The following MAML1 variants were observed in gnomAD, a reference collection of about 807,000 sequenced individuals.
The protein encoded by MAML1 is mastermind like transcriptional coactivator 1, also known as mastermind-like protein 1.
In MAML1, 14 loss-of-function variants were observed where a neutral mutation model predicts 77.1. That is an observed-to-expected ratio of 0.18 (90% CI 0.12 to 0.28). MAML1 has a LOEUF of 0.28. Ranked by LOEUF, MAML1 falls within the 10% of genes least tolerant of loss-of-function variation. The pLI is 1.00. For missense variants in MAML1, 1,217 were observed against 1,327.8 expected (o/e 0.92, Z 1.30); for synonymous variants, 516 against 551.9 (o/e 0.93, Z 0.91).
chr5:179,740,036 C>A (rs906173219), intron 1 of MAML1, among the ~76,000 whole-genome samples: 1 of 152,182 alleles, frequency 6.6e-6, no homozygotes, highest in South Asian at 2.1e-4. Context: ...TCATGTGATA[C>A]TAAATGACAG....
Position 179,766,862 on chromosome 5 carries a change from T to C in MAML1, c.1731+121T>C. 1.4e-6 allele frequency: 1 copy of C among 733,824 alleles called. No individual in the cohort carries two copies. The highest frequency in any genetic ancestry group is 2.9e-5 in the East Asian group (1 of 34,172). 45.5% of individuals were successfully genotyped at this position (733,824 alleles called of 1,614,324 possible). On this transcript the variant is annotated intron_variant, in intron 2 of 4. Transcript: ENST00000292599. This position sits in a 1 kb window ranked among gnomAD's most constrained non-coding sequence, Gnocchi z 4.0. ...GGAAGAGGGAGGAGGGAATAGCTGC[T>C]GTCATCCTTGCTCCTCTTGGGAGTG...
At position 179,775,780 on chromosome 5, in the gene MAML1, A is replaced by C. The variant is rs1756124373; in HGVS notation, c.*903A>C. On this transcript the variant is annotated 3_prime_UTR_variant, in exon 5 of 5. Coordinates refer to ENST00000292599, the MANE Select transcript of MAML1 (RefSeq NM_014757.5). ...GCGTGGTCACTGTGCAGTTGTGCACAGATGTCTTTCCTTTACCGTTGGCCT... is the reference window on the plus strand; with the variant it reads ...GCGTGGTCACTGTGCAGTTGTGCACCGATGTCTTTCCTTTACCGTTGGCCT... 3 of 985,560 alleles carry C rather than the reference A, an allele frequency of 3.0e-6. No individual in the cohort carries two copies. Among genetic ancestry groups the C allele is most frequent in the Non-Finnish European group, 3.6e-6 (3 of 829,980 alleles). 61.1% of individuals were successfully genotyped at this position (985,560 alleles called of 1,614,324 possible).
intron 1 of MAML1, among the ~76,000 whole-genome samples, chr5:179,734,865 T>A (rs1175637807): frequency 6.6e-6 from 1 of 152,092 alleles, no homozygotes; most frequent in Non-Finnish European, 1.5e-5. Context: ...AGAGATGGGG[T>A]CTCACTATAT....
At position 179,769,522 on chromosome 5, in the gene MAML1, T is replaced by C. The variant is rs1002403125; in HGVS notation, c.1971+433T>C. Among the ~76,000 whole-genome samples, 3 of 151,598 alleles carry C rather than the reference T, an allele frequency of 2.0e-5. No individual in the cohort carries two copies. Among genetic ancestry groups the C allele is most frequent in the Non-Finnish European group, 2.9e-5 (2 of 67,982 alleles). ...ACAGTTCACTCGCTTGGTTAGCAAG[T>C]GTAGTGTGCAGGCACTAAGGGTTAC... On this transcript the variant is annotated intron_variant, in intron 3 of 4. Coordinates refer to ENST00000292599, the MANE Select transcript of MAML1 (RefSeq NM_014757.5). The surrounding 1 kb of genome is among the most constrained non-coding windows in gnomAD (Gnocchi z 4.2).
rs1196341295 is a variant in MAML1, at chr5:179,756,207, C to T, written c.316-9119C>T. Reference sequence around the variant, plus strand: ...TTTGGAGGCCGAGGCAGGTGGATCACGAGGTCAGGAGATGGAGACCATCCT... The same window carrying T: ...TTTGGAGGCCGAGGCAGGTGGATCATGAGGTCAGGAGATGGAGACCATCCT... On this transcript the variant is annotated intron_variant, in intron 1 of 4. Transcript: ENST00000292599. Among the ~76,000 whole-genome samples, 9 of 151,266 alleles carry T rather than the reference C, an allele frequency of 5.9e-5. No homozygotes were observed. In the South Asian group the frequency reaches 8.4e-4, roughly 14 times the overall value.
In MAML1 at chr5:179,771,387, GC is replaced by G; in HGVS notation, c.2068+146del. On this transcript the variant is annotated intron_variant, in intron 4 of 4. Coordinates refer to ENST00000292599, the MANE Select transcript of MAML1 (RefSeq NM_014757.5). The surrounding 1 kb of genome is among the most constrained non-coding windows in gnomAD (Gnocchi z 4.7). ...ATATACACCTCAGTTTGCCTAAGGG[GC>G]CTGGTTTTCTAGTTACTCCACGGCA... 1 of 668,280 alleles carries G rather than the reference GC, an allele frequency of 1.5e-6. No homozygotes were observed. Among genetic ancestry groups the G allele is most frequent in the African/African-American group, 1.8e-5 (1 of 55,588 alleles). 41.4% of individuals were successfully genotyped at this position (668,280 alleles called of 1,614,324 possible). A position where few individuals can be genotyped will look rare whatever the true frequency, so the allele number is the denominator to read the frequency against.
At chr5:179,750,753 C>G (rs544924841) in intron 1 of MAML1, among the ~76,000 whole-genome samples, 1 of 151,920 alleles carries the variant, frequency 6.6e-6, no homozygotes, top group African/African-American at 2.4e-5. Context: ...TGACGGCTCT[C>G]AGTAGATTCT....
Position 179,753,365 on chromosome 5 carries a change from C to T in MAML1, c.316-11961C>T, listed in dbSNP as rs745944001. Among the ~76,000 whole-genome samples the T allele has an allele frequency of 4.6e-5, 7 of 152,144 alleles. No homozygotes were observed. The East Asian group carries it at 1.2e-3, about 25-fold the overall frequency. On this transcript the variant is annotated intron_variant, in intron 1 of 4. Transcript: ENST00000292599. ...CTTTAATGCGTTTTTACTTTTATTA[C>T]CCTCCGTGCTACGTTTGATAATATT...
chr5:179,751,656 G>A (rs1342050828), intron 1 of MAML1, among the ~76,000 whole-genome samples: 2 of 152,062 alleles, frequency 1.3e-5, no homozygotes, highest in Non-Finnish European at 2.9e-5. Context: ...AGTGAGCCAA[G>A]ATCATGCCAC....
intron 1 of MAML1, among the ~76,000 whole-genome samples, chr5:179,763,697 G>A (rs1249850883): frequency 1.3e-5 from 2 of 152,132 alleles, no homozygotes; most frequent in African/African-American, 4.8e-5. Context: ...AGTTGCCCCA[G>A]GCAGGACGCC....
In MAML1 at chr5:179,766,735, T is replaced by G; in HGVS notation, c.1725T>G (p.Pro575=). Residue 575 remains proline (P), a synonymous_variant, in exon 2 of 5, where the codon CCT becomes CCG. Coordinates refer to ENST00000292599, the MANE Select transcript of MAML1 (RefSeq NM_014757.5). This position sits in a 1 kb window ranked among gnomAD's most constrained non-coding sequence, Gnocchi z 4.0. ...GNMPFRSLVP[P]GQEQNPSSVP... The stretch of plus-strand genomic sequence containing the variant: ...TGCCTTTCCGATCACTGGTTCCACC[T>G]GGCCAGGTAAGTATGAGCCTTTGCT... 1 of 1,545,094 alleles carries G rather than the reference T, an allele frequency of 6.5e-7. No individual in the cohort carries two copies. Among genetic ancestry groups the G allele is most frequent in the South Asian group, 1.2e-5 (1 of 80,664 alleles).
rs1756133204 is a variant in MAML1, at chr5:179,776,328, G to A, written c.*1451G>A. 1.0e-6 allele frequency: 1 copy of A among 985,716 alleles called. No individual in the cohort carries two copies. The highest frequency in any genetic ancestry group is 1.7e-5 in the African/African-American group (1 of 57,218). The allele number at this position is 985,716 out of a possible 1,614,324, so 61.1% of individuals were successfully genotyped here. ...TGTCCTATGTGAGAATTGAGCCAAG[G>A]AAAATACTCATGCAACCAGCCTGAG... is the stretch of plus-strand genomic sequence containing the variant. On this transcript the variant is annotated 3_prime_UTR_variant, in exon 5 of 5. Coordinates refer to ENST00000292599, the MANE Select transcript of MAML1 (RefSeq NM_014757.5).
chr5:179,770,259 T>C (rs1479501736), intron 3 of MAML1, among the ~76,000 whole-genome samples: 3 of 152,042 alleles, frequency 2.0e-5, no homozygotes, highest in African/African-American at 7.2e-5. Flanking sequence ...CCATCCTGGC[T>C]AACACAGTGA....
Position 179,733,084 on chromosome 5 carries a change from C to T in MAML1, c.-29C>T, listed in dbSNP as rs1023078023. On this transcript the variant is annotated 5_prime_UTR_variant, in exon 1 of 5. Transcript: ENST00000292599. ...CCAGCCGGCCCCGAGAGGCCCGGCC[C>T]CGGGCCCGGCCCGTGCAGCCCGCGG... 2.3e-6 allele frequency: 3 copies of T among 1,281,494 alleles called. 1 individual carries two copies. The highest frequency in any genetic ancestry group is 9.9e-7 in the Non-Finnish European group (1 of 1,013,958). 79.4% of individuals were successfully genotyped at this position (1,281,494 alleles called of 1,614,324 possible).
Position 179,733,092 on chromosome 5 carries a change from G to T in MAML1, c.-21G>T. 7.4e-7 allele frequency: 1 copy of T among 1,345,070 alleles called. No individual in the cohort carries two copies. Among genetic ancestry groups the T allele is most frequent in the South Asian group, 1.6e-5 (1 of 61,696 alleles). The allele number at this position is 1,345,070 out of a possible 1,614,324, so 83.3% of individuals were successfully genotyped here. A position where few individuals can be genotyped will look rare whatever the true frequency, so the allele number is the denominator to read the frequency against. On this transcript the variant is annotated 5_prime_UTR_variant, in exon 1 of 5. Coordinates refer to ENST00000292599, the MANE Select transcript of MAML1 (RefSeq NM_014757.5). Reference sequence around the variant, plus strand: ...CCCCGAGAGGCCCGGCCCCGGGCCCGGCCCGTGCAGCCCGCGGCCCATGGT... The same window carrying T: ...CCCCGAGAGGCCCGGCCCCGGGCCCTGCCCGTGCAGCCCGCGGCCCATGGT...
intron 1 of MAML1, among the ~76,000 whole-genome samples, chr5:179,734,909 T>C (rs574506700): frequency 4.9e-4 from 75 of 152,320 alleles, no homozygotes; most frequent in South Asian, 2.3e-3. Flanking sequence ...TGGGCTCAAG[T>C]GATCCTTTCT....
chr5:179,749,258 C>G (rs1198832078), intron 1 of MAML1, among the ~76,000 whole-genome samples: 1 of 152,180 alleles, frequency 6.6e-6, no homozygotes, highest in Non-Finnish European at 1.5e-5. Flanking sequence ...TCCCGAGTAG[C>G]TGAGATTACA....
intron 1 of MAML1, among the ~76,000 whole-genome samples, chr5:179,743,533 AT>A (rs955568342): frequency 8.9e-5 from 13 of 145,516 alleles, no homozygotes; most frequent in South Asian, 2.2e-4. Flanking sequence ...CGCCCGGCTA[AT>A]TTTTTTTTTG....
intron 1 of MAML1, among the ~76,000 whole-genome samples, chr5:179,758,843 A>C (rs1256357038): frequency 1.3e-5 from 2 of 152,084 alleles, no homozygotes; most frequent in Non-Finnish European, 2.9e-5. Context: ...TCTCTACTCA[A>C]AATACAAAAA....
Sources: allele counts gnomAD v4.1 joint callset (sites outside exome capture counted in the v4.1 genomes callset), GRCh38; gene constraint gnomAD v4.1.1; non-coding constraint Gnocchi (gnomAD v3.1); transcripts MANE v1.5; gene names NCBI Gene and HGNC (gene_info 2026-07-23, HGNC 2026-07-21).